Variants in CMTM8 observed in about 807,000 individuals in gnomAD.
CMTM8 encodes the protein CKLF like MARVEL transmembrane domain containing 8.
CMTM8 carries 12 observed loss-of-function variants against 18.6 expected under a neutral mutation model. The ratio of observed to expected loss-of-function variants is 0.65; its 90% confidence interval spans 0.41 to 1.05. The LOEUF is 1.05. Among genes scored for constraint, CMTM8 ranks in the 50% least tolerant of loss-of-function variants. CMTM8 has a pLI of 0.00. For synonymous variants in CMTM8, 87 were observed against 90.6 expected, an observed-to-expected ratio of 0.96 and a Z score of 0.23; for missense variants, 217 against 227.2, an observed-to-expected ratio of 0.95 and a Z score of 0.29.
At chr3:32,330,507 A>G (rs774524218) in intron 1 of CMTM8, among the ~76,000 whole-genome samples, 3 of 152,174 alleles carry the variant, frequency 2.0e-5, no homozygotes, top group African/African-American at 7.2e-5. Flanking sequence ...TTTGTTTTAT[A>G]TGTATATAAA....
chr3:32,314,901 G>A (rs1381356060), intron 1 of CMTM8, among the ~76,000 whole-genome samples: 1 of 123,590 alleles, frequency 8.1e-6, no homozygotes, highest in African/African-American at 3.1e-5. Context: ...GATATTGATA[G>A]CCTTGTACAC....
chr3:32,249,337 G>A (rs1025858159), intron 1 of CMTM8, among the ~76,000 whole-genome samples: 21 of 151,858 alleles, frequency 1.4e-4, no homozygotes, highest in Non-Finnish European at 5.9e-5. Context: ...GGCTGAAGTG[G>A]GGGGATCACT....
intron 1 of CMTM8, among the ~76,000 whole-genome samples, chr3:32,312,180 G>A (rs774048062): frequency 1.1e-4 from 16 of 152,120 alleles, no homozygotes; most frequent in Non-Finnish European, 1.5e-4. Context: ...CAAGCAACTC[G>A]GAGATGATTA....
intron 2 of CMTM8, among the ~76,000 whole-genome samples, chr3:32,361,286 G>GTTTGTTTTTTTTTTTTTTT (rs140270969): frequency 0.018 from 1,547 of 86,632 alleles, 108 homozygotes; most frequent in Middle Eastern, 0.043. Flanking sequence ...CAGCCTAAGA[G>GTTTGTTTTTTTTTTTTTTT]TTTTTTTTTC....
intron 1 of CMTM8, among the ~76,000 whole-genome samples, chr3:32,266,167 A>G (rs1385661487): frequency 5.3e-5 from 8 of 152,142 alleles, no homozygotes; most frequent in African/African-American, 1.9e-4. Context: ...AGAATTTTAG[A>G]CCAATATCCC....
chr3:32,274,801 T>C (rs1391611970), intron 1 of CMTM8, among the ~76,000 whole-genome samples: 2 of 152,204 alleles, frequency 1.3e-5, no homozygotes, highest in Admixed American at 6.5e-5. Context: ...TTGTCTTTCA[T>C]GACCTTGACA....
At chr3:32,240,233 G>C (rs565874356) in intron 1 of CMTM8, among the ~76,000 whole-genome samples, 10 of 152,330 alleles carry the variant, frequency 6.6e-5, no homozygotes, top group African/African-American at 2.4e-4. Context: ...CCCAGTCTCA[G>C]ATACCACCCG....
chr3:32,259,662 C>G, intron 1 of CMTM8: 1 of 1,344,268 alleles, frequency 7.4e-7, no homozygotes, highest in Non-Finnish European at 1.1e-6. Flanking sequence ...GCCCCCAAAT[C>G]TCAGGACCTT....
intron 1 of CMTM8, among the ~76,000 whole-genome samples, chr3:32,348,313 T>C (rs1696639694): frequency 1.3e-5 from 2 of 152,140 alleles, no homozygotes; most frequent in Non-Finnish European, 2.9e-5. Flanking sequence ...TGTTCTCTGG[T>C]GGTTTAAAGA....
intron 1 of CMTM8, 30 bp from the exon 2 acceptor site, chr3:32,357,343 C>T (rs1162758446): frequency 1.3e-6 from 2 of 1,584,736 alleles, no homozygotes; most frequent in Non-Finnish European, 1.7e-6. Context: ...ACTGTCCCCT[C>T]CTCTCTCCAC....
At chr3:32,284,017 C>G (rs1702641860) in intron 1 of CMTM8, among the ~76,000 whole-genome samples, 1 of 152,180 alleles carries the variant, frequency 6.6e-6, no homozygotes, top group Admixed American at 6.5e-5. Flanking sequence ...TTGGGGGAGC[C>G]GAGGTGGGCG....
chr3:32,348,945 A>G (rs1042143143), intron 1 of CMTM8, among the ~76,000 whole-genome samples: 7 of 151,474 alleles, frequency 4.6e-5, no homozygotes, highest in Non-Finnish European at 8.8e-5. Context: ...TTGATTTTTA[A>G]TTTCTACTAT....
intron 1 of CMTM8, among the ~76,000 whole-genome samples, chr3:32,311,633 T>C (rs1402879505): frequency 6.6e-6 from 1 of 152,228 alleles, no homozygotes; most frequent in Non-Finnish European, 1.5e-5. Context: ...GAAACTCCTG[T>C]TTCCTCTCTA....
At chr3:32,319,061 TA>T in intron 1 of CMTM8, among the ~76,000 whole-genome samples, 1 of 40,532 alleles carries the variant, frequency 2.5e-5, no homozygotes, top group African/African-American at 1.2e-4. Context: ...TATATACATA[TA>T]TATATATATA....
intron 2 of CMTM8, 56 bp from the exon 3 acceptor site, chr3:32,367,816 C>T (rs553421135): frequency 2.5e-4 from 303 of 1,201,766 alleles, no homozygotes; most frequent in Non-Finnish European, 3.3e-4. Flanking sequence ...TTCTGAAGTC[C>T]AGAGGTATGC....
chr3:32,323,563 G>C (rs981078170), intron 1 of CMTM8, among the ~76,000 whole-genome samples: 2 of 152,122 alleles, frequency 1.3e-5, no homozygotes, highest in African/African-American at 4.8e-5. Flanking sequence ...TTGGACCAGA[G>C]ACCGAATCAT....
intron 1 of CMTM8, among the ~76,000 whole-genome samples, chr3:32,312,687 A>G (rs1046056246): frequency 2.0e-5 from 3 of 151,956 alleles, no homozygotes; most frequent in South Asian, 2.1e-4. Context: ...GATCAATTCA[A>G]TCTTCAGTCC....
At chr3:32,243,112 C>T (rs984651081) in intron 1 of CMTM8, among the ~76,000 whole-genome samples, 2 of 150,314 alleles carry the variant, frequency 1.3e-5, no homozygotes, top group Non-Finnish European at 3.0e-5. Context: ...GGGCTGGTCT[C>T]GAATTCCTGA....
chr3:32,289,419 G>C (rs1702743228), intron 1 of CMTM8, among the ~76,000 whole-genome samples: 1 of 152,162 alleles, frequency 6.6e-6, no homozygotes, highest in Admixed American at 6.5e-5. Flanking sequence ...TAGGAAATCA[G>C]GAAGCTTCAG....
Sources: allele counts gnomAD v4.1 joint callset (sites outside exome capture counted in the v4.1 genomes callset), GRCh38; gene constraint gnomAD v4.1.1; transcripts MANE v1.5; gene names NCBI Gene and HGNC (gene_info 2026-07-23, HGNC 2026-07-21).